The following RBMS1 variants were observed in gnomAD, a reference collection of about 807,000 sequenced individuals.
RBMS1 encodes RNA-binding motif, single-stranded-interacting protein 1.
A neutral mutation model predicts 62.3 loss-of-function variants in RBMS1; 17 were observed. The observed-to-expected ratio is 0.27, with a 90% CI of 0.19 to 0.41. The LOEUF (loss-of-function observed/expected upper bound fraction) is 0.41, where lower values mean the gene tolerates loss of function less well. Ranked by LOEUF, RBMS1 falls within the 10% of genes least tolerant of loss-of-function variation. The probability of loss-of-function intolerance (pLI) is 1.00; values close to 1 mark genes in which losing one functional copy is unlikely to be tolerated. For missense variants in RBMS1, 334 were observed against 504.5 expected (o/e 0.66, Z 3.24); for synonymous variants, 172 against 170.0 (o/e 1.01, Z -0.09).
At chr2:160,423,608 T>C (rs886969412) in intron 1 of RBMS1, among the ~76,000 whole-genome samples, 5 of 152,188 alleles carry the variant, frequency 3.3e-5, no homozygotes, top group Admixed American at 1.3e-4. Context: ...TGTCTACTCT[T>C]TTGGGGTCCT....
At chr2:160,435,608 T>C (rs530798245) in intron 1 of RBMS1, among the ~76,000 whole-genome samples, 5 of 152,212 alleles carry the variant, frequency 3.3e-5, no homozygotes, top group Non-Finnish European at 5.9e-5. Flanking sequence ...CCTTTTACAT[T>C]AGAATTCCAG....
rs1048291698 is a variant in RBMS1, at chr2:160,395,664, G to A, written c.76-28273C>T. ...AAAAAAAATCAGATGCTGAAAGAAG[G>A]AAAATGCTCACATAATAGTCGAGGG... On this transcript the variant is annotated intron_variant, in intron 1 of 13. Transcript: ENST00000348849. Among the ~76,000 whole-genome samples, 56 of 151,392 alleles carry A rather than the reference G, an allele frequency of 3.7e-4. 1 individual carries two copies. In the East Asian group the frequency reaches 0.01, roughly 27 times the overall value.
intron 2 of RBMS1, among the ~76,000 whole-genome samples, chr2:160,348,372 T>C (rs1692301690): frequency 6.6e-6 from 1 of 152,182 alleles, no homozygotes; most frequent in Non-Finnish European, 1.5e-5. Flanking sequence ...TGTGCAGGTA[T>C]GTGTGTATGT....
chr2:160,462,413 G>A (rs1038107138), intron 1 of RBMS1, among the ~76,000 whole-genome samples: 4 of 152,148 alleles, frequency 2.6e-5, no homozygotes, highest in Admixed American at 6.5e-5. Flanking sequence ...AAGGAAGGAG[G>A]TGAAGAAAGA....
intron 4 of RBMS1, among the ~76,000 whole-genome samples, chr2:160,306,058 G>T (rs1200697539): frequency 3.3e-5 from 5 of 152,130 alleles, no homozygotes; most frequent in African/African-American, 7.2e-5. Context: ...AAGCCCAGGA[G>T]TTCAAGGTTG....
At chr2:160,447,388 G>T (rs961398925) in intron 1 of RBMS1, among the ~76,000 whole-genome samples, 13 of 152,186 alleles carry the variant, frequency 8.5e-5, no homozygotes, top group Non-Finnish European at 1.8e-4. Context: ...AAATGGAGCT[G>T]CAGGAAGAAA....
chr2:160,358,703 CAGA>C (rs1364385990), intron 2 of RBMS1, among the ~76,000 whole-genome samples: 5 of 152,072 alleles, frequency 3.3e-5, no homozygotes, highest in African/African-American at 1.2e-4. Context: ...TAAGTAACTG[CAGA>C]AAACTCATCA....
chr2:160,275,811 G>A lies in RBMS1; in HGVS notation c.1144-97C>T, dbSNP rs970453005. On this transcript the variant is annotated intron_variant, in intron 12 of 13. Coordinates refer to ENST00000348849, the MANE Select transcript of RBMS1 (RefSeq NM_016836.4). ...TGAATCCAACAGTGCCTTAAAAACA[G>A]TTACTCTTTAAAGTAAATTTCTTCA... 3.0e-5 allele frequency: 46 copies of A among 1,532,360 alleles called. No individual in the cohort carries two copies. The Admixed American group carries it at 8.2e-4, about 27-fold the overall frequency. The allele number at this position is 1,532,360 out of a possible 1,614,324, so 94.9% of individuals were successfully genotyped here. A position where few individuals can be genotyped will look rare whatever the true frequency, so the allele number is the denominator to read the frequency against.
intron 2 of RBMS1, among the ~76,000 whole-genome samples, chr2:160,333,758 A>G (rs1691413709): frequency 6.6e-6 from 1 of 152,188 alleles, no homozygotes; most frequent in Non-Finnish European, 1.5e-5. Flanking sequence ...TAAATGAAAA[A>G]TCAAATTTCC....
intron 1 of RBMS1, chr2:160,402,246 T>C (rs544741557): frequency 7.9e-5 from 12 of 152,308 alleles, no homozygotes; most frequent in African/African-American, 2.2e-4. Context: ...ACTTAAGCCA[T>C]AGTCTTTCAA....
rs1268182907 is a variant in RBMS1 at position 160,273,501 on chromosome 2, TAATA to T, written c.*1267_*1270del. ...GTCATTTTTATTTTTCAAATTTACCTAATAGAGAGAGAGAGAGAGAGCTAGTAGC... is the reference window on the plus strand; with the variant it reads ...GTCATTTTTATTTTTCAAATTTACCTGAGAGAGAGAGAGAGAGCTAGTAGC... On this transcript the variant is annotated 3_prime_UTR_variant, in exon 14 of 14. Coordinates refer to ENST00000348849, the MANE Select transcript of RBMS1 (RefSeq NM_016836.4). The T allele has an allele frequency of 6.6e-6, 1 of 152,156 alleles. No individual in the cohort carries two copies. Among genetic ancestry groups the T allele is most frequent in the African/African-American group, 2.4e-5 (1 of 41,434 alleles). The allele number at this position is 152,156 out of a possible 1,614,324, so 9.4% of individuals were successfully genotyped here.
chr2:160,407,679 G>T (rs1488851960), intron 1 of RBMS1: 1 of 981,922 alleles, frequency 1.0e-6, no homozygotes, highest in Non-Finnish European at 1.2e-6. Context: ...GGCGGCCGGC[G>T]GGGGCTGCAG....
At chr2:160,355,913 A>G (rs1692769454) in intron 2 of RBMS1, among the ~76,000 whole-genome samples, 1 of 152,096 alleles carries the variant, frequency 6.6e-6, no homozygotes, top group South Asian at 2.1e-4. Context: ...AATCACTGGC[A>G]TAATGTCTAA....
intron 1 of RBMS1, among the ~76,000 whole-genome samples, chr2:160,478,360 C>A (rs569713436): frequency 6.6e-6 from 1 of 152,308 alleles, no homozygotes; most frequent in Admixed American, 6.5e-5. Flanking sequence ...AAGCTAGCTA[C>A]AATTGTACCT....
At chr2:160,350,901 T>C (rs923877268) in intron 2 of RBMS1, among the ~76,000 whole-genome samples, 24 of 152,180 alleles carry the variant, frequency 1.6e-4, no homozygotes, top group Non-Finnish European at 3.2e-4. Flanking sequence ...ATGGTATTTC[T>C]ATTTCTAGAT....
At chr2:160,422,099 C>G (rs572495114) in intron 1 of RBMS1, among the ~76,000 whole-genome samples, 1 of 152,292 alleles carries the variant, frequency 6.6e-6, no homozygotes, top group Non-Finnish European at 1.5e-5. Flanking sequence ...AGCAAAAAGA[C>G]AACAATATCA....
intron 1 of RBMS1, among the ~76,000 whole-genome samples, chr2:160,444,204 A>G (rs776575509): frequency 2.0e-5 from 3 of 152,178 alleles, no homozygotes; most frequent in Non-Finnish European, 2.9e-5. Context: ...AATATTATAA[A>G]ATACATTGTA....
At chr2:160,469,471 A>G (rs1684830814) in intron 1 of RBMS1, among the ~76,000 whole-genome samples, 1 of 152,022 alleles carries the variant, frequency 6.6e-6, no homozygotes, top group Non-Finnish European at 1.5e-5. Flanking sequence ...AGAGCTTCCA[A>G]CCATTCTCTA....
At chr2:160,441,418 T>G (rs7425185) in intron 1 of RBMS1, among the ~76,000 whole-genome samples, 76,759 of 152,050 alleles carry the variant, frequency 0.5, 20,487 homozygotes, top group Admixed American at 0.63. Flanking sequence ...GTAAATGTAT[T>G]AAACGTATGT....
Sources: gnomAD v4.1 joint callset for allele counts (sites outside exome capture counted in the v4.1 genomes callset) on GRCh38, gnomAD v4.1.1 for gene constraint, MANE v1.5 for transcripts, NCBI Gene and HGNC (gene_info 2026-07-23, HGNC 2026-07-21) for gene names.